RORA: variants seen among roughly 807,000 people sequenced by gnomAD.
RORA encodes the protein nuclear receptor ROR-alpha.
In RORA, 7 loss-of-function variants were observed where a neutral mutation model predicts 69.5. The observed-to-expected ratio is 0.10, with a 90% CI of 0.06 to 0.19. RORA has a LOEUF of 0.19. Ranked by LOEUF, RORA falls within the 10% of genes least tolerant of loss-of-function variation. The pLI, the probability that RORA is intolerant of heterozygous loss-of-function variation, is 1.00. For synonymous variants in RORA, 261 were observed against 240.8 expected (o/e 1.08, Z -0.78); for missense variants, 457 against 663.0 (o/e 0.69, Z 3.41).
At chr15:60,797,434 T>C (rs994030039) in intron 1 of RORA, among the ~76,000 whole-genome samples, 1 of 152,152 alleles carries the variant, frequency 6.6e-6, no homozygotes, top group African/African-American at 2.4e-5. Context: ...TGTACATTAA[T>C]TGAGAAATGA....
chr15:60,998,654 C>T (rs2071942526), intron 1 of RORA, among the ~76,000 whole-genome samples: 1 of 152,206 alleles, frequency 6.6e-6, no homozygotes, highest in African/African-American at 2.4e-5. Context: ...CGGCCTCAGT[C>T]TCCCAAAGTG....
chr15:61,019,980 A>G (rs1435919155), intron 1 of RORA, among the ~76,000 whole-genome samples: 1 of 151,726 alleles, frequency 6.6e-6, no homozygotes, highest in Non-Finnish European at 1.5e-5. Flanking sequence ...CTTCACCACC[A>G]CCCTTCAGCA....
chr15:60,505,524 T>C lies in RORA; in HGVS notation c.926A>G (p.Glu309Gly). Residue 309 changes from glutamate (E) to glycine (G), a missense_variant, in exon 6 of 11, where the codon GAG (glutamate) becomes GGG (glycine). This residue lies in a region of RORA where 304 missense variants were observed against 447.4 expected (regional missense o/e 0.68). Transcript: ENST00000335670. ...TWQTFLQEEIENYQNKQREVM... is the reference protein window; with the variant it reads ...TWQTFLQEEIGNYQNKQREVM... ...AGATCATACCTTGTTTTGATAGTTC[T>C]CAATTTCTTCCTGTAAAAAGGTCTG... 1 of 1,614,016 alleles carries C rather than the reference T, an allele frequency of 6.2e-7. No homozygotes were observed. Among genetic ancestry groups the C allele is most frequent in the Non-Finnish European group, 8.5e-7 (1 of 1,179,876 alleles).
At chr15:60,825,757 A>C (rs1190202546) in intron 1 of RORA, among the ~76,000 whole-genome samples, 1 of 152,186 alleles carries the variant, frequency 6.6e-6, no homozygotes, top group African/African-American at 2.4e-5. Context: ...GCTAATTTCT[A>C]ACATCTTTCC....
chr15:61,091,158 T>C (rs1315043718), intron 1 of RORA, among the ~76,000 whole-genome samples: 1 of 152,210 alleles, frequency 6.6e-6, no homozygotes, highest in Non-Finnish European at 1.5e-5. Flanking sequence ...AAATACGCAC[T>C]CTTTAGAGCT....
chr15:60,788,315 T>G (rs773198263), intron 1 of RORA, among the ~76,000 whole-genome samples: 1 of 152,078 alleles, frequency 6.6e-6, no homozygotes, highest in African/African-American at 2.4e-5. Context: ...GGGAGACAGA[T>G]GATTGCAATA....
intron 2 of RORA, chr15:60,677,215 C>T: frequency 2.2e-6 from 1 of 456,064 alleles, no homozygotes. Context: ...CAAGGAAGCG[C>T]TCTGTACCAT....
chr15:60,591,832 C>T (rs572785336), intron 2 of RORA, among the ~76,000 whole-genome samples: 46 of 152,088 alleles, frequency 3.0e-4, no homozygotes, highest in African/African-American at 1.1e-3. Context: ...ACCTGCGGCA[C>T]TTGCCCGGCC....
intron 1 of RORA, among the ~76,000 whole-genome samples, chr15:61,184,662 G>A (rs1419731310): frequency 1.3e-5 from 2 of 152,156 alleles, no homozygotes; most frequent in Admixed American, 6.5e-5. Flanking sequence ...CAGCCATACA[G>A]TAAAGGTTTG....
chr15:60,733,354 G>A (rs575694161), intron 1 of RORA, among the ~76,000 whole-genome samples: 1 of 152,292 alleles, frequency 6.6e-6, no homozygotes, highest in African/African-American at 2.4e-5. Context: ...TCTTACTTAT[G>A]AGTATGACCA....
chr15:61,137,923 T>C (rs908086671), intron 1 of RORA, among the ~76,000 whole-genome samples: 24 of 152,122 alleles, frequency 1.6e-4, no homozygotes, highest in Non-Finnish European at 5.9e-5. Flanking sequence ...AAGAGAAACA[T>C]ATAAATTGGA....
chr15:60,876,762 C>T (rs1457755223), intron 1 of RORA, among the ~76,000 whole-genome samples: 1 of 152,166 alleles, frequency 6.6e-6, no homozygotes, highest in South Asian at 2.1e-4. Context: ...CTGAGAGTTA[C>T]CAGGTATCTG....
intron 1 of RORA, among the ~76,000 whole-genome samples, chr15:61,193,741 A>G (rs956191655): frequency 1.3e-5 from 2 of 152,226 alleles, no homozygotes; most frequent in Admixed American, 6.5e-5. Flanking sequence ...CTGTAATTTT[A>G]CAGTTGTGGA....
At chr15:61,157,214 A>C (rs1007874539) in intron 1 of RORA, among the ~76,000 whole-genome samples, 2 of 152,162 alleles carry the variant, frequency 1.3e-5, no homozygotes, top group Non-Finnish European at 2.9e-5. Context: ...TGAACCATTA[A>C]GTTTTGACAC....
intron 2 of RORA, among the ~76,000 whole-genome samples, chr15:60,664,413 A>C (rs2070351479): frequency 6.6e-6 from 1 of 152,180 alleles, no homozygotes; most frequent in Admixed American, 6.5e-5. Flanking sequence ...AGCTCCTCTC[A>C]CTGTGCTATT....
intron 1 of RORA, among the ~76,000 whole-genome samples, chr15:60,814,944 G>C (rs952765159): frequency 1.1e-4 from 16 of 152,140 alleles, no homozygotes; most frequent in African/African-American, 3.9e-4. Flanking sequence ...AACCCTGTAG[G>C]TTTATTCTTT....
chr15:60,669,715 A>G (rs2140732981), intron 2 of RORA, among the ~76,000 whole-genome samples: 1 of 152,284 alleles, frequency 6.6e-6, no homozygotes, highest in Non-Finnish European at 1.5e-5. Flanking sequence ...AGCTCACCAC[A>G]CATGTTCCCA....
chr15:60,651,520 A>T (rs72748771), intron 2 of RORA, among the ~76,000 whole-genome samples: 7,876 of 152,216 alleles, frequency 0.052, 273 homozygotes, highest in Non-Finnish European at 0.076. Context: ...TCCTTTGCAA[A>T]CCTTCATGGT....
intron 2 of RORA, among the ~76,000 whole-genome samples, chr15:60,591,424 C>T (rs2068505665): frequency 1.3e-5 from 2 of 152,330 alleles, no homozygotes; most frequent in South Asian, 4.1e-4. Context: ...TTTAGCTTTC[C>T]CATCAGAAAG....
Sources: allele counts gnomAD v4.1 joint callset (sites outside exome capture counted in the v4.1 genomes callset), GRCh38; gene constraint gnomAD v4.1.1; regional missense constraint gnomAD v4.1.1; transcripts MANE v1.5; gene names NCBI Gene and HGNC (gene_info 2026-07-23, HGNC 2026-07-21).